The following LRRK2 variants were observed in gnomAD, a reference collection of about 807,000 sequenced individuals.
LRRK2 encodes the protein leucine-rich repeat serine/threonine-protein kinase 2.
In LRRK2, 203 loss-of-function variants were observed where a neutral mutation model predicts 302.6. That is an observed-to-expected ratio of 0.67 (90% confidence interval 0.60 to 0.75). The LOEUF (loss-of-function observed/expected upper bound fraction) is 0.75, where lower values mean the gene tolerates loss of function less well. Among genes scored for constraint, LRRK2 ranks in the 30% least tolerant of loss-of-function variants. The pLI, the probability that LRRK2 is intolerant of heterozygous loss-of-function variation, is 0.00. For synonymous variants in LRRK2, 1,066 were observed against 1,031.9 expected (o/e 1.03, Z -0.63); for missense variants, 2,830 against 2,951.0 (o/e 0.96, Z 0.95).
chr12:40,346,978 A>G lies in LRRK2; in HGVS notation c.6280+55A>G, dbSNP rs72546331. On this transcript the variant is annotated intron_variant, in intron 42 of 50. Coordinates refer to ENST00000298910, the MANE Select transcript of LRRK2 (RefSeq NM_198578.4). Reference sequence around the variant, plus strand: ...TTTTTTTCTTAATATCAGCAGCTTCATTTTTATTTAATTGTAGTTGTATGC... The same window carrying G: ...TTTTTTTCTTAATATCAGCAGCTTCGTTTTTATTTAATTGTAGTTGTATGC... 4.2e-6 allele frequency: 6 copies of G among 1,433,620 alleles called. No homozygotes were observed. In the Admixed American group the frequency reaches 1.0e-4, roughly 24 times the overall value. The allele number at this position is 1,433,620 out of a possible 1,614,324, so 88.8% of individuals were successfully genotyped here. A position where few individuals can be genotyped will look rare whatever the true frequency, so the allele number is the denominator to read the frequency against.
At chr12:40,339,579 G>A (rs186384727) in intron 40 of LRRK2, among the ~76,000 whole-genome samples, 143 of 152,132 alleles carry the variant, frequency 9.4e-4, no homozygotes, top group Admixed American at 1.0e-3. Context: ...AATATTACCC[G>A]TCATCTTTTC....
intron 43 of LRRK2, among the ~76,000 whole-genome samples, chr12:40,349,888 A>G (rs976340956): frequency 1.3e-5 from 2 of 152,244 alleles, no homozygotes; most frequent in Admixed American, 6.5e-5. Flanking sequence ...TTGTAATGCT[A>G]CATACAGGTC....
chr12:40,319,087 T>A (rs982484584), intron 33 of LRRK2, among the ~76,000 whole-genome samples: 4 of 152,122 alleles, frequency 2.6e-5, no homozygotes, highest in Admixed American at 6.6e-5. Context: ...CCTTAAACAT[T>A]ATAGATCTCC....
chr12:40,355,016 A>T lies in LRRK2; in HGVS notation c.6770+524A>T, dbSNP rs191562174. Among the ~76,000 whole-genome samples the T allele has an allele frequency of 1.2e-3, 181 of 152,292 alleles. 2 individuals carry two copies. Among genetic ancestry groups the T allele is most frequent in the Non-Finnish European group, 5.9e-4 (40 of 68,018 alleles). ...TCTTGTCCCAAAGAAATATATCTAC[A>T]TAGCAAAATTTCAGGTGTGAGTTGT... On this transcript the variant is annotated intron_variant, in intron 45 of 50. Transcript: ENST00000298910.
In LRRK2 at chr12:40,314,062, A is replaced by G. The variant is rs201540075; in HGVS notation, c.4627A>G (p.Ile1543Val). ...IILSERKNVP[I>V]EFPVIDRKRL... ...TTTATCGGAGCGTAAAAATGTGCCA[A>G]TTGAATTTCCCGTAATTGACCGGAA... Residue 1543 changes from isoleucine to valine, a missense_variant, in exon 32 of 51, where the codon ATT becomes GTT. Around this residue, in one of 3 missense-constraint regions of LRRK2, gnomAD observed 2,121 missense variants for 2,148.0 expected, o/e 0.99. Coordinates refer to ENST00000298910, the MANE Select transcript of LRRK2 (RefSeq NM_198578.4). The G allele has an allele frequency of 4.4e-5, 71 of 1,612,578 alleles. No individual in the cohort carries two copies. The highest frequency in any genetic ancestry group is 2.7e-4 in the Admixed American group (16 of 59,896).
chr12:40,363,376 G>A (rs1946774283), intron 47 of LRRK2, 26 bp from the exon 48 acceptor site: 1 of 1,554,944 alleles, frequency 6.4e-7, no homozygotes, highest in African/African-American at 1.6e-5. Context: ...AAATAGTGAT[G>A]ACTTTCTATT....
At chr12:40,365,592 T>C (rs1420797695) in intron 49 of LRRK2, 1 of 152,018 alleles carries the variant, frequency 6.6e-6, no homozygotes, top group East Asian at 1.9e-4. Flanking sequence ...ATAAAATATA[T>C]TTTCTGCATA....
chr12:40,285,846 A>G (rs1420595592), intron 19 of LRRK2, among the ~76,000 whole-genome samples: 1 of 152,062 alleles, frequency 6.6e-6, no homozygotes, highest in East Asian at 1.9e-4. Context: ...TTACTATGCT[A>G]ATGTTGATGA....
intron 20 of LRRK2, 45 bp downstream of exon 20, chr12:40,287,584 C>G: frequency 6.3e-7 from 1 of 1,579,102 alleles, no homozygotes; most frequent in Middle Eastern, 1.7e-4. Flanking sequence ...TATTTACACA[C>G]TGACATTGAA....
intron 38 of LRRK2, among the ~76,000 whole-genome samples, chr12:40,328,038 A>G (rs1051287407): frequency 1.3e-5 from 2 of 152,244 alleles, no homozygotes; most frequent in Non-Finnish European, 2.9e-5. Flanking sequence ...TTGGAAGTGT[A>G]GGAAAGCACT....
chr12:40,348,364 T>G (rs200824411), intron 42 of LRRK2, 45 bp from the exon 43 acceptor site: 5 of 1,310,008 alleles, frequency 3.8e-6, no homozygotes, highest in Non-Finnish European at 5.5e-6. Flanking sequence ...ATATAACCAT[T>G]CTTACTTATT....
chr12:40,258,280 C>T (rs916335728), intron 12 of LRRK2, among the ~76,000 whole-genome samples: 1 of 152,158 alleles, frequency 6.6e-6, no homozygotes, highest in African/African-American at 2.4e-5. Context: ...AGCGTAACTG[C>T]AGACTTGTAA....
chr12:40,354,510 A>G lies in LRRK2; in HGVS notation c.6770+18A>G, dbSNP rs1053987934. On this transcript the variant is annotated intron_variant, in intron 45 of 50. Transcript: ENST00000298910. ...AAGCAAAGGTATGGTAGTGAATTTG[A>G]TCAATGGGGAAATTACAGATCTTTT... 1.2e-6 allele frequency: 2 copies of G among 1,602,488 alleles called. No homozygotes were observed. The highest frequency in any genetic ancestry group is 2.7e-5 in the African/African-American group (2 of 74,740).
At chr12:40,339,531 C>T (rs1235802479) in intron 40 of LRRK2, among the ~76,000 whole-genome samples, 3 of 152,098 alleles carry the variant, frequency 2.0e-5, no homozygotes, top group African/African-American at 7.2e-5. Flanking sequence ...TCTAGTTGCT[C>T]GTGATTGCGT....
chr12:40,347,646 T>A (rs1032034153), intron 42 of LRRK2, among the ~76,000 whole-genome samples: 1 of 152,248 alleles, frequency 6.6e-6, no homozygotes, highest in Non-Finnish European at 1.5e-5. Flanking sequence ...ATTTCCCTTA[T>A]TTTACTAGTT....
intron 40 of LRRK2, among the ~76,000 whole-genome samples, chr12:40,339,048 T>C (rs1013695108): frequency 6.6e-6 from 1 of 152,178 alleles, no homozygotes; most frequent in South Asian, 2.1e-4. Flanking sequence ...AGAGAGAGAA[T>C]CTTCAGCTGT....
intron 20 of LRRK2, among the ~76,000 whole-genome samples, chr12:40,291,245 C>A (rs1944138587): frequency 1.3e-5 from 2 of 148,608 alleles, no homozygotes; most frequent in African/African-American, 2.5e-5. Context: ...CACTTGGACA[C>A]AGGAAGGGGA....
intron 14 of LRRK2, among the ~76,000 whole-genome samples, chr12:40,265,368 T>C (rs1942963776): frequency 6.6e-6 from 1 of 152,162 alleles, no homozygotes; most frequent in African/African-American, 2.4e-5. Context: ...AGATGCAGCA[T>C]CGAGTAATTT....
intron 38 of LRRK2, among the ~76,000 whole-genome samples, chr12:40,327,394 T>C (rs1473699698): frequency 8.5e-5 from 13 of 152,204 alleles, no homozygotes. Context: ...AATGACCATT[T>C]CCTCCTGGGA....
Sources: allele counts gnomAD v4.1 joint callset (sites outside exome capture counted in the v4.1 genomes callset), GRCh38; gene constraint gnomAD v4.1.1; regional missense constraint gnomAD v4.1.1; transcripts MANE v1.5; gene names NCBI Gene and HGNC (gene_info 2026-07-23, HGNC 2026-07-21).